The following MACROD2 variants were observed in gnomAD, a reference collection of about 807,000 sequenced individuals.
MACROD2 encodes the protein ADP-ribose glycohydrolase MACROD2.
A neutral mutation model predicts 70.4 loss-of-function variants in MACROD2; 36 were observed. The observed-to-expected ratio is 0.51, with a 90% confidence interval of 0.39 to 0.68. The LOEUF (loss-of-function observed/expected upper bound fraction) is 0.68. Among genes scored for constraint, MACROD2 ranks in the 30% least tolerant of loss-of-function variants. The pLI is 0.00. For missense variants in MACROD2, 496 were observed against 538.4 expected, an observed-to-expected ratio of 0.92 and a Z score of 0.78; for synonymous variants, 172 against 178.8, an observed-to-expected ratio of 0.96 and a Z score of 0.30.
intron 8 of MACROD2, among the ~76,000 whole-genome samples, chr20:15,563,228 A>G (rs1413773071): frequency 6.6e-6 from 1 of 152,200 alleles, no homozygotes. Flanking sequence ...ATCAGAGAAG[A>G]TGGAGAAAGC....
chr20:15,733,276 T>A (rs147862759), intron 8 of MACROD2, among the ~76,000 whole-genome samples: 1 of 152,184 alleles, frequency 6.6e-6, no homozygotes, highest in Non-Finnish European at 1.5e-5. Flanking sequence ...CTTATCACTT[T>A]TGTTGAGCTC....
chr20:15,876,091 T>TTATATATATATATATATGTATATATA (rs2064664851), intron 9 of MACROD2, among the ~76,000 whole-genome samples: 1 of 33,110 alleles, frequency 3.0e-5, no homozygotes, highest in Non-Finnish European at 7.1e-5. Context: ...TACATGTCTT[T>TTATATATATATATATATGTATATATA]TATATATATA....
At chr20:14,474,674 T>C (rs1296105357) in intron 3 of MACROD2, among the ~76,000 whole-genome samples, 2 of 152,172 alleles carry the variant, frequency 1.3e-5, no homozygotes, top group Non-Finnish European at 2.9e-5. Flanking sequence ...CATACATATT[T>C]ACAATTTTAT....
intron 5 of MACROD2, among the ~76,000 whole-genome samples, chr20:14,947,424 C>T (rs1346883559): frequency 6.6e-6 from 1 of 152,130 alleles, no homozygotes; most frequent in Non-Finnish European, 1.5e-5. Context: ...ACGGGGGCAC[C>T]AGCAGTACCT....
chr20:15,207,067 T>C (rs1869756371), intron 5 of MACROD2, among the ~76,000 whole-genome samples: 1 of 152,136 alleles, frequency 6.6e-6, no homozygotes, highest in Non-Finnish European at 1.5e-5. Context: ...TGTATCAATG[T>C]TCATTATTCT....
chr20:15,299,452 C>T (rs1206552439), intron 6 of MACROD2, among the ~76,000 whole-genome samples: 6 of 152,302 alleles, frequency 3.9e-5, no homozygotes, highest in African/African-American at 7.2e-5. Flanking sequence ...AGAGAGATTA[C>T]GGTTTTGCAG....
At chr20:14,886,352 G>A (rs2073675699) in intron 5 of MACROD2, among the ~76,000 whole-genome samples, 1 of 152,176 alleles carries the variant, frequency 6.6e-6, no homozygotes, top group Admixed American at 6.5e-5. Flanking sequence ...AAGAAGAGAA[G>A]ATGAGGTCAG....
At chr20:15,811,729 G>A (rs1444625903) in intron 8 of MACROD2, among the ~76,000 whole-genome samples, 1 of 152,086 alleles carries the variant, frequency 6.6e-6, no homozygotes, top group Non-Finnish European at 1.5e-5. Context: ...AAGTGTAAAG[G>A]CAGAGAGAAT....
At chr20:15,850,282 A>G (rs1167393632) in intron 8 of MACROD2, among the ~76,000 whole-genome samples, 2 of 152,108 alleles carry the variant, frequency 1.3e-5, no homozygotes, top group Non-Finnish European at 2.9e-5. Context: ...GGGTGATCGA[A>G]CAGGGGGATT....
intron 4 of MACROD2, among the ~76,000 whole-genome samples, chr20:14,551,426 A>T (rs923723891): frequency 6.6e-6 from 1 of 152,236 alleles, no homozygotes; most frequent in Non-Finnish European, 1.5e-5. Flanking sequence ...TAATGGAATC[A>T]GATGTAGAAC....
chr20:15,277,688 C>A (rs1187144648), intron 6 of MACROD2, among the ~76,000 whole-genome samples: 1 of 152,096 alleles, frequency 6.6e-6, no homozygotes, highest in Non-Finnish European at 1.5e-5. Context: ...AGATGAGAAG[C>A]AGTCTAGTAT....
At chr20:15,192,931 T>C (rs2145917131) in intron 5 of MACROD2, among the ~76,000 whole-genome samples, 1 of 152,344 alleles carries the variant, frequency 6.6e-6, no homozygotes, top group South Asian at 2.1e-4. Flanking sequence ...CAGTGAATTT[T>C]TGGTGTCAAA....
intron 4 of MACROD2, among the ~76,000 whole-genome samples, chr20:14,575,560 C>G (rs897714209): frequency 1.6e-4 from 24 of 152,308 alleles, no homozygotes; most frequent in African/African-American, 5.3e-4. Flanking sequence ...ATGCCAGAAA[C>G]TCACAATTTT....
At chr20:14,044,769 A>G (rs998652831) in intron 2 of MACROD2, among the ~76,000 whole-genome samples, 1 of 152,188 alleles carries the variant, frequency 6.6e-6, no homozygotes, top group Non-Finnish European at 1.5e-5. Context: ...GGCTTCACCC[A>G]GTGGATCCCG....
At chr20:15,655,248 G>T (rs778931011) in intron 8 of MACROD2, among the ~76,000 whole-genome samples, 3 of 151,360 alleles carry the variant, frequency 2.0e-5, no homozygotes, top group Admixed American at 6.6e-5. Flanking sequence ...AATTACCTTG[G>T]TATGTGCATA....
chr20:14,132,354 G>A (rs4256021), intron 3 of MACROD2, among the ~76,000 whole-genome samples: 150,705 of 152,150 alleles, frequency 0.99, 74,652 homozygotes, highest in East Asian at 1. Context: ...GACCCTTTTG[G>A]CTTTATTGAC....
chr20:15,665,935 T>C (rs2049891321), intron 8 of MACROD2, among the ~76,000 whole-genome samples: 1 of 152,182 alleles, frequency 6.6e-6, no homozygotes, highest in Admixed American at 6.5e-5. Context: ...ATCTTCATCT[T>C]TATTTTGTTT....
chr20:15,461,289 C>T (rs1236716985), intron 7 of MACROD2, among the ~76,000 whole-genome samples: 2 of 152,014 alleles, frequency 1.3e-5, no homozygotes, highest in African/African-American at 2.4e-5. Flanking sequence ...GTTAAAGTAA[C>T]ATTGTCTAGC....
chr20:14,855,605 T>TG (rs988731440), intron 5 of MACROD2, among the ~76,000 whole-genome samples: 9 of 67,528 alleles, frequency 1.3e-4, no homozygotes, highest in Non-Finnish European at 2.5e-4. Context: ...AAGTTTTTTT[T>TG]TTTTTTTTTT....
Sources: allele counts gnomAD v4.1 joint callset (sites outside exome capture counted in the v4.1 genomes callset), GRCh38; gene constraint gnomAD v4.1.1; transcripts MANE v1.5; gene names NCBI Gene and HGNC (gene_info 2026-07-23, HGNC 2026-07-21).